The following ZNF469 variants were observed in gnomAD, a reference collection of about 807,000 sequenced individuals.
ZNF469 encodes zinc finger protein 469.
Under a neutral mutation model 1.0 loss-of-function variants are expected in ZNF469, and 1 was observed. The ratio of observed to expected loss-of-function variants is 1.00; its 90% CI spans 0.35 to 4.73. The LOEUF is 4.73. Ranked by LOEUF, ZNF469 falls within the 30% of genes most tolerant of loss-of-function variation. ZNF469 has a pLI of 0.16. For missense variants in ZNF469, 6,100 were observed against 5,356.3 expected (o/e 1.14, Z -4.33); for synonymous variants, 2,703 against 2,363.4 (o/e 1.14, Z -4.17).
chr16:88,184,221 G>A, the ZNF469 span, among the ~76,000 whole-genome samples: 5 of 152,116 alleles, frequency 3.3e-5, no homozygotes. Context: ...TGCCAGGGAA[G>A]ACCGATCACC....
At chr16:88,240,740 A>G in the ZNF469 span, among the ~76,000 whole-genome samples, 1 of 152,112 alleles carries the variant, frequency 6.6e-6, no homozygotes, top group Non-Finnish European at 1.5e-5. Flanking sequence ...GCACATCACC[A>G]CTGTCACCTG....
In ZNF469 at chr16:88,429,833, C is replaced by T. The variant is rs1906005573; in HGVS notation, c.2363C>T (p.Ala788Val). Residue 788 changes from alanine to valine, a missense_variant, in exon 3 of 3, where the codon GCG becomes GTG. Ala to Val is a moderately conservative substitution (Grantham distance 64, BLOSUM62 0). Transcript: ENST00000565624. The part of the protein sequence containing the change: ...AAPRVPADAH[A>V]GLLSHAKTFL... The stretch of plus-strand genomic sequence containing the variant: ...CCCAGAGTCCCTGCCGACGCACACG[C>T]GGGCTTGCTCAGCCACGCGAAGACC... 3 of 1,547,584 alleles carry T rather than the reference C, an allele frequency of 1.9e-6. No homozygotes were observed. Among genetic ancestry groups the T allele is most frequent in the Non-Finnish European group, 2.6e-6 (3 of 1,145,102 alleles).
At chr16:88,392,847 C>T (rs925033584) in intron 1 of ZNF469, among the ~76,000 whole-genome samples, 4 of 152,238 alleles carry the variant, frequency 2.6e-5, no homozygotes, top group African/African-American at 7.2e-5. Flanking sequence ...CTCCCTTCCC[C>T]GGCAGGTTCC....
At chr16:88,275,870 C>G in the ZNF469 span, among the ~76,000 whole-genome samples, 5 of 152,252 alleles carry the variant, frequency 3.3e-5, no homozygotes, top group Non-Finnish European at 7.4e-5. Flanking sequence ...AGGTGTCTCC[C>G]CAGCCCCTGG....
chr16:88,231,875 T>C, the ZNF469 span, among the ~76,000 whole-genome samples: 1 of 152,188 alleles, frequency 6.6e-6, no homozygotes, highest in Non-Finnish European at 1.5e-5. The surrounding 1 kb of genome is among the most constrained non-coding windows in gnomAD (Gnocchi z 4.5). Context: ...GTGGGCATCT[T>C]TGGGGGCCAT....
the ZNF469 span, among the ~76,000 whole-genome samples, chr16:88,300,696 G>C: frequency 6.6e-6 from 1 of 152,114 alleles, no homozygotes; most frequent in African/African-American, 2.4e-5. Context: ...CACCCACCCA[G>C]CCCCTGGGGA....
In ZNF469 at chr16:88,439,110, A is replaced by G; in HGVS notation, c.11640A>G (p.Ala3880=). Residue 3880 remains alanine (A), a synonymous_variant, in exon 3 of 3, where the codon GCA becomes GCG. Coordinates refer to ENST00000565624, the MANE Select transcript of ZNF469 (RefSeq NM_001367624.2). The stretch of plus-strand genomic sequence containing the variant: ...CGCCACCATCAGAGCAGCGGAAGGC[A>G]GAGCCGGGCCACACACAGAGGAAGG... ...PRPPPSEQRK[A]EPGHTQRKDR... 1.9e-6 allele frequency: 3 copies of G among 1,550,966 alleles called. No individual in the cohort carries two copies. The highest frequency in any genetic ancestry group is 2.6e-6 in the Non-Finnish European group (3 of 1,146,980).
At chr16:88,200,901 G>A in the ZNF469 span, among the ~76,000 whole-genome samples, 660 of 152,338 alleles carry the variant, frequency 4.3e-3, 5 homozygotes, top group African/African-American at 0.015. Flanking sequence ...GGCTGCTCCC[G>A]CCACAGGAGA....
the ZNF469 span, among the ~76,000 whole-genome samples, chr16:88,351,486 A>G: frequency 6.6e-6 from 1 of 151,972 alleles, no homozygotes; most frequent in Non-Finnish European, 1.5e-5. Context: ...TGACAAAACC[A>G]AAATCAAAGC....
At position 88,430,581 on chromosome 16, in the gene ZNF469, G is replaced by A; in HGVS notation, c.3111G>A (p.Arg1037=). ...RRRLPPRKDP[R]KRKARGGAWG... Reference sequence around the variant, plus strand: ...GGCTGCCCCCCAGGAAGGACCCCAGGAAGAGGAAGGCTCGGGGCGGCGCCT... The same window carrying A: ...GGCTGCCCCCCAGGAAGGACCCCAGAAAGAGGAAGGCTCGGGGCGGCGCCT... The change falls in exon 3 of 3, where the codon AGG becomes AGA. Residue 1037 remains arginine (R), a synonymous_variant. Coordinates refer to ENST00000565624, the MANE Select transcript of ZNF469 (RefSeq NM_001367624.2). The A allele has an allele frequency of 1.3e-6, 2 of 1,499,970 alleles. No individual in the cohort carries two copies. Among genetic ancestry groups the A allele is most frequent in the Non-Finnish European group, 1.8e-6 (2 of 1,131,450 alleles). 92.9% of individuals were successfully genotyped at this position (1,499,970 alleles called of 1,614,324 possible). A position where few individuals can be genotyped will look rare whatever the true frequency, so the allele number is the denominator to read the frequency against.
chr16:88,376,051 T>C, the ZNF469 span, among the ~76,000 whole-genome samples: 1 of 152,324 alleles, frequency 6.6e-6, no homozygotes, highest in East Asian at 1.9e-4. Flanking sequence ...CCGCGTACAC[T>C]GAGGGCATTC....
At chr16:88,356,462 G>A in the ZNF469 span, among the ~76,000 whole-genome samples, 41 of 152,088 alleles carry the variant, frequency 2.7e-4, no homozygotes, top group African/African-American at 9.4e-4. Context: ...GTGTGTTGAC[G>A]TGTGCCTGTG....
chr16:88,132,926 C>A, the ZNF469 span, among the ~76,000 whole-genome samples: 1 of 152,372 alleles, frequency 6.6e-6, no homozygotes, highest in African/African-American at 2.4e-5. Flanking sequence ...GACCCCCGAG[C>A]TGACCACCAC....
the ZNF469 span, among the ~76,000 whole-genome samples, chr16:88,228,979 C>T: frequency 2.6e-5 from 4 of 152,200 alleles, no homozygotes; most frequent in Non-Finnish European, 5.9e-5. Context: ...CCCATATCTG[C>T]CGTCCTCACC....
At chr16:88,205,073 G>T in the ZNF469 span, among the ~76,000 whole-genome samples, 3 of 152,154 alleles carry the variant, frequency 2.0e-5, no homozygotes, top group Non-Finnish European at 4.4e-5. The surrounding 1 kb of genome is among the most constrained non-coding windows in gnomAD (Gnocchi z 4.2). Flanking sequence ...GCCTCCTTCT[G>T]TGAGGTGCCC....
At chr16:88,264,474 C>G in the ZNF469 span, among the ~76,000 whole-genome samples, 4 of 151,808 alleles carry the variant, frequency 2.6e-5, no homozygotes, top group African/African-American at 9.7e-5. Context: ...TGCTCTGCCC[C>G]CACCCCAGCC....
In ZNF469 at chr16:88,430,954, C is replaced by T; in HGVS notation, c.3484C>T (p.Arg1162Cys). 1 of 1,535,940 alleles carries T rather than the reference C, an allele frequency of 6.5e-7. No homozygotes were observed. Among genetic ancestry groups the T allele is most frequent in the Non-Finnish European group, 8.7e-7 (1 of 1,145,064 alleles). Residue 1162 changes from arginine to cysteine, a missense_variant, in exon 3 of 3, where the codon CGC becomes TGC. Arg to Cys is a radical substitution (Grantham distance 180, BLOSUM62 -3). Transcript: ENST00000565624. ...PANPEEPGGS[R>C]PGPGRSPQAR... ...GAACCCCGAGGAGCCGGGCGGGTCT[C>T]GCCCGGGCCCCGGCAGGAGCCCTCA...
chr16:88,200,494 G>A, the ZNF469 span, among the ~76,000 whole-genome samples: 62,675 of 152,136 alleles, frequency 0.41, 13,135 homozygotes, highest in Admixed American at 0.48. Context: ...CAGCCCCTAC[G>A]GTCTCTCCGC....
At chr16:88,151,565 C>T in the ZNF469 span, among the ~76,000 whole-genome samples, 5 of 152,338 alleles carry the variant, frequency 3.3e-5, no homozygotes, top group South Asian at 1.0e-3. The surrounding 1 kb of genome is among the most constrained non-coding windows in gnomAD (Gnocchi z 5.4). Context: ...CTGCTGCAGT[C>T]CTTTGCTGTT....
Sources: gnomAD v4.1 joint callset for allele counts (sites outside exome capture counted in the v4.1 genomes callset) on GRCh38, gnomAD v4.1.1 for gene constraint, Gnocchi (gnomAD v3.1) non-coding constraint, MANE v1.5 for transcripts, NCBI Gene and HGNC (gene_info 2026-07-23, HGNC 2026-07-21) for gene names.